USP54: variants seen among roughly 807,000 people sequenced by gnomAD.
USP54 encodes the protein ubiquitin carboxyl-terminal hydrolase 54.
A neutral mutation model predicts 170.5 loss-of-function variants in USP54; 87 were observed. That is an observed-to-expected ratio of 0.51 (90% confidence interval 0.43 to 0.61). The LOEUF (loss-of-function observed/expected upper bound fraction) is 0.61. Ranked by LOEUF, USP54 falls within the 20% of genes least tolerant of loss-of-function variation. The probability of loss-of-function intolerance (pLI) is 0.00; values close to 1 mark genes in which losing one functional copy is unlikely to be tolerated. For synonymous variants in USP54, 655 were observed against 742.8 expected, an observed-to-expected ratio of 0.88 and a Z score of 1.92; for missense variants, 1,786 against 2,047.8, an observed-to-expected ratio of 0.87 and a Z score of 2.47.
chr10:73,588,504 G>A (rs1041612773), intron 1 of USP54, among the ~76,000 whole-genome samples: 1 of 152,234 alleles, frequency 6.6e-6, no homozygotes, highest in Non-Finnish European at 1.5e-5. Context: ...GATTACAGGC[G>A]TGAGCCACCG....
chr10:73,559,911 T>C (rs2072407979), intron 4 of USP54, among the ~76,000 whole-genome samples: 3 of 146,730 alleles, frequency 2.0e-5, no homozygotes, highest in Non-Finnish European at 4.5e-5. Context: ...ACTAAAAATA[T>C]ATACAAAAAT....
intron 1 of USP54, among the ~76,000 whole-genome samples, chr10:73,612,293 A>G (rs1372169286): frequency 6.6e-6 from 1 of 152,180 alleles, no homozygotes; most frequent in Non-Finnish European, 1.5e-5. Flanking sequence ...TGTAAAAAAC[A>G]TTAAATGAAT....
upstream of USP54, among the ~76,000 whole-genome samples, chr10:73,592,413 A>C (rs1321552548): frequency 6.6e-6 from 1 of 151,128 alleles, no homozygotes; most frequent in Non-Finnish European, 1.5e-5. Context: ...AAGCTCTTAC[A>C]TTTTAACAAT....
At chr10:73,547,233 C>T (rs2068036292) in intron 4 of USP54, among the ~76,000 whole-genome samples, 1 of 152,132 alleles carries the variant, frequency 6.6e-6, no homozygotes, top group African/African-American at 2.4e-5. Context: ...GAAACCCCGT[C>T]TCTACTAAAA....
chr10:73,624,158 C>CTATA (rs2081290686), intron 1 of USP54, among the ~76,000 whole-genome samples: 3 of 33,006 alleles, frequency 9.1e-5, no homozygotes, highest in Non-Finnish European at 2.0e-4. Flanking sequence ...TTTTTAAAAG[C>CTATA]CATATATATA....
Position 73,505,344 on chromosome 10 carries a change from A to G in USP54, c.4134T>C (p.His1378=). ...GCACTGTTCTGGCTTCATGGAGACC[A>G]TGCTCCATTTCTGCTGTTGAAGTCT... ...LSKTSTAEME[H]GLHEARTVRT... The change falls in exon 21 of 24, where the codon CAT becomes CAC. Residue 1378 remains histidine, a synonymous_variant. Coordinates refer to ENST00000687698, the MANE Select transcript of USP54 (RefSeq NM_001391956.1). 6.2e-7 allele frequency: 1 copy of G among 1,614,096 alleles called. No homozygotes were observed. Among genetic ancestry groups the G allele is most frequent in the African/African-American group, 1.3e-5 (1 of 75,028 alleles).
At chr10:73,623,531 C>G (rs2081252662) in intron 1 of USP54, among the ~76,000 whole-genome samples, 1 of 152,120 alleles carries the variant, frequency 6.6e-6, no homozygotes, top group Admixed American at 6.6e-5. Flanking sequence ...CACCTGTAGT[C>G]TCAGCTCTGT....
chr10:73,509,483 C>A (rs1007961340), intron 20 of USP54, among the ~76,000 whole-genome samples: 4 of 149,594 alleles, frequency 2.7e-5, no homozygotes. Flanking sequence ...GGCGTGGTGG[C>A]GCGTGCCTGT....
intron 10 of USP54, among the ~76,000 whole-genome samples, chr10:73,537,221 C>T (rs12242427): frequency 4.6e-5 from 7 of 152,268 alleles, no homozygotes; most frequent in African/African-American, 1.4e-4. Context: ...ATGCTCTTCA[C>T]ATATTAATAT....
intron 1 of USP54, among the ~76,000 whole-genome samples, chr10:73,585,520 G>A (rs191475334): frequency 2.0e-5 from 3 of 152,236 alleles, no homozygotes; most frequent in Admixed American, 2.0e-4. Flanking sequence ...GATCTTGTGT[G>A]AATTAACTGA....
chr10:73,545,436 G>A (rs950710342), intron 5 of USP54, 102 bp downstream of exon 5: 92 of 1,437,592 alleles, frequency 6.4e-5, no homozygotes, highest in Non-Finnish European at 8.4e-5. Context: ...TCTAACTGTA[G>A]AGATAAGGGC....
chr10:73,604,810 C>T (rs535477755), intron 1 of USP54, among the ~76,000 whole-genome samples: 1 of 152,156 alleles, frequency 6.6e-6, no homozygotes, highest in Admixed American at 6.6e-5. Flanking sequence ...ATGAGTGTTA[C>T]AGCTCTTAAA....
intron 19 of USP54, among the ~76,000 whole-genome samples, chr10:73,518,014 T>C (rs938867446): frequency 6.6e-6 from 1 of 152,206 alleles, no homozygotes; most frequent in African/African-American, 2.4e-5. Flanking sequence ...AGTGGAGCCC[T>C]TGCCAATATT....
rs563656784 is a variant in USP54, at chr10:73,608,223, G to T, written c.-18+17344C>A. ...TGCAGTGAGCCGAGTTCATGACACCGCACTCCAGCCTGGGCAACAGAGCGA... is the reference window on the plus strand; with the variant it reads ...TGCAGTGAGCCGAGTTCATGACACCTCACTCCAGCCTGGGCAACAGAGCGA... On this transcript the variant is annotated intron_variant, in intron 1 of 22. Coordinates refer to the USP54 transcript ENST00000339859. 6.6e-5 allele frequency among the ~76,000 whole-genome samples: 10 copies of T among 151,804 alleles called. No homozygotes were observed. In the East Asian group the frequency reaches 1.9e-3, roughly 29 times the overall value.
rs536159730 is a variant in USP54 at position 73,519,577 on chromosome 10, G to C, written c.2678+220C>G. On this transcript the variant is annotated intron_variant, in intron 19 of 23. Coordinates refer to ENST00000687698, the MANE Select transcript of USP54 (RefSeq NM_001391956.1). ...TACCCATGGGAAATGTGGACAAATG[G>C]TCTTATTATGCTGTACTTTTTGCAT... The C allele has an allele frequency of 2.8e-4, 177 of 637,432 alleles. 3 individuals are homozygous for C. The South Asian group carries it at 3.6e-3, about 13-fold the overall frequency. 39.5% of individuals were successfully genotyped at this position (637,432 alleles called of 1,614,324 possible).
intron 1 of USP54, among the ~76,000 whole-genome samples, chr10:73,586,693 T>C (rs539949879): frequency 1.3e-5 from 2 of 152,320 alleles, no homozygotes; most frequent in East Asian, 1.9e-4. Flanking sequence ...CTTTTTCTAA[T>C]AGTGACTATA....
At chr10:73,587,407 G>A (rs573348947) in intron 1 of USP54, among the ~76,000 whole-genome samples, 39 of 152,048 alleles carry the variant, frequency 2.6e-4, no homozygotes, top group East Asian at 2.1e-3. Flanking sequence ...CCTGGGAGGC[G>A]GAGCTTGCAG....
chr10:73,596,230 T>C (rs975572310), upstream of USP54, among the ~76,000 whole-genome samples: 1 of 151,872 alleles, frequency 6.6e-6, no homozygotes, highest in African/African-American at 2.4e-5. Flanking sequence ...AAGACCAGCC[T>C]GACCAACATG....
At chr10:73,604,766 G>T (rs1279109076) in intron 1 of USP54, among the ~76,000 whole-genome samples, 1 of 151,872 alleles carries the variant, frequency 6.6e-6, no homozygotes. Flanking sequence ...TCTTGGTCTC[G>T]CTGACTTCAA....
Sources: gnomAD v4.1 joint callset for allele counts (sites outside exome capture counted in the v4.1 genomes callset) on GRCh38, gnomAD v4.1.1 for gene constraint, MANE v1.5 for transcripts, NCBI Gene and HGNC (gene_info 2026-07-23, HGNC 2026-07-21) for gene names.